The following CLASP2 variants were observed in gnomAD, a reference collection of about 807,000 sequenced individuals.
CLASP2 encodes the protein cytoplasmic linker associated protein 2.
A neutral mutation model predicts 194.4 loss-of-function variants in CLASP2; 47 were observed. That is an observed-to-expected ratio of 0.24 (90% CI 0.19 to 0.31). The LOEUF is 0.31. CLASP2 is among the 10% of genes least tolerant of loss of function. The pLI is 1.00. For missense variants in CLASP2, 1,445 were observed against 1,823.6 expected (o/e 0.79, Z 3.78); for synonymous variants, 619 against 633.5 (o/e 0.98, Z 0.34).
intron 7 of CLASP2, among the ~76,000 whole-genome samples, chr3:33,657,470 AAAAC>A (rs1222866109): frequency 3.3e-5 from 5 of 152,124 alleles, no homozygotes; most frequent in African/African-American, 1.2e-4. Context: ...TGAAAAAAGA[AAAAC>A]TAAGTAAATA....
intron 2 of CLASP2, among the ~76,000 whole-genome samples, chr3:33,690,812 A>C (rs562744630): frequency 6.6e-6 from 1 of 152,292 alleles, no homozygotes; most frequent in Non-Finnish European, 1.5e-5. Flanking sequence ...CCTGCCTATT[A>C]GTCCCTTAGT....
chr3:33,593,375 C>A (rs1039092419), intron 20 of CLASP2, among the ~76,000 whole-genome samples: 3 of 152,008 alleles, frequency 2.0e-5, no homozygotes, highest in Non-Finnish European at 4.4e-5. Context: ...AAAAGAAGGG[C>A]TCAGAATTAT....
chr3:33,622,402 C>T, intron 10 of CLASP2, 122 bp from the exon 11 acceptor site: 1 of 623,644 alleles, frequency 1.6e-6, no homozygotes, highest in Non-Finnish European at 2.4e-6. Flanking sequence ...TGTTTCATTA[C>T]ATTACTATAT....
intron 25 of CLASP2, among the ~76,000 whole-genome samples, chr3:33,571,548 T>A (rs1323541360): frequency 6.6e-6 from 1 of 151,398 alleles, no homozygotes; most frequent in Non-Finnish European, 1.5e-5. Context: ...GGCAGGAAAA[T>A]TGCTTGAACC....
In CLASP2 at chr3:33,576,126, G is replaced by A. The variant is rs9851582; in HGVS notation, c.2454+43C>T. The A allele has an allele frequency of 9.1e-3, 13,661 of 1,499,810 alleles. 852 individuals are homozygous for A. In the African/African-American group the frequency reaches 0.15, roughly 16 times the overall value. The allele number at this position is 1,499,810 out of a possible 1,614,324, so 92.9% of individuals were successfully genotyped here. On this transcript the variant is annotated intron_variant, in intron 24 of 38. Coordinates refer to ENST00000682230, the MANE Select transcript of CLASP2 (RefSeq NM_001365631.1). ...ACTGGCCTACTCATTCAACAGTTTC[G>A]TAATTGGAACATTTATAATGATAAG... is the stretch of plus-strand genomic sequence containing the variant.
chr3:33,670,365 T>A (rs553742083), intron 6 of CLASP2, among the ~76,000 whole-genome samples: 1 of 152,326 alleles, frequency 6.6e-6, no homozygotes, highest in African/African-American at 2.4e-5. Flanking sequence ...TTTGCTATAA[T>A]TTATAGATTT....
intron 23 of CLASP2, chr3:33,577,384 C>G (rs1442317795): frequency 1.4e-6 from 1 of 718,490 alleles, no homozygotes; most frequent in Non-Finnish European, 2.3e-6. Context: ...AGTTAATGAT[C>G]AGAGTATTGC....
chr3:33,616,664 A>T (rs115647042), intron 12 of CLASP2, among the ~76,000 whole-genome samples: 2,917 of 151,926 alleles, frequency 0.019, 53 homozygotes, highest in African/African-American at 0.045. Flanking sequence ...ATCATATTTA[A>T]TTAACGTTAA....
At position 33,607,454 on chromosome 3, in the gene CLASP2, C is replaced by T; in HGVS notation, c.1456G>A (p.Ala486Thr). 1 of 1,605,146 alleles carries T rather than the reference C, an allele frequency of 6.2e-7. No homozygotes were observed. The highest frequency in any genetic ancestry group is 8.5e-7 in the Non-Finnish European group (1 of 1,175,662). Reference protein sequence around the residue: ...WQTHSLERHAAVLVETIKKGI... With the variant: ...WQTHSLERHATVLVETIKKGI... ...TTTTTAATAGTTTCAACCAAGACGGCTGCATGTCTATAAAATAAAATACAT... is the reference window on the plus strand; with the variant it reads ...TTTTTAATAGTTTCAACCAAGACGGTTGCATGTCTATAAAATAAAATACAT... The change falls in exon 15 of 39, where the codon GCC (alanine) becomes ACC (threonine). Residue 486 changes from alanine (A) to threonine (T), a missense_variant. Physicochemically the swap from Ala to Thr is moderately conservative, Grantham distance 58. This residue lies in a region of CLASP2 where 207 missense variants were observed against 331.4 expected (regional missense o/e 0.62). Coordinates refer to ENST00000682230, the MANE Select transcript of CLASP2 (RefSeq NM_001365631.1).
intron 37 of CLASP2, among the ~76,000 whole-genome samples, chr3:33,510,188 A>G (rs1169858409): frequency 6.6e-6 from 1 of 152,142 alleles, no homozygotes. Flanking sequence ...CAGAAAATAG[A>G]ATAGAGGTTA....
intron 6 of CLASP2, among the ~76,000 whole-genome samples, chr3:33,683,909 C>T (rs1255131328): frequency 7.0e-6 from 1 of 142,918 alleles, no homozygotes; most frequent in African/African-American, 2.6e-5. Flanking sequence ...TACTGCACTC[C>T]AGCCTGAGCA....
chr3:33,641,972 A>G (rs953639425), intron 8 of CLASP2, among the ~76,000 whole-genome samples: 1 of 152,016 alleles, frequency 6.6e-6, no homozygotes, highest in African/African-American at 2.4e-5. Context: ...GATAATGTAT[A>G]GTCCAGAAAA....
chr3:33,596,041 T>C (rs1576954703), intron 19 of CLASP2, among the ~76,000 whole-genome samples: 1 of 151,996 alleles, frequency 6.6e-6, no homozygotes, highest in East Asian at 1.9e-4. Context: ...TCTTAAGTTA[T>C]TTAAAAAAGG....
At chr3:33,527,185 T>G (rs1208340227) in intron 34 of CLASP2, among the ~76,000 whole-genome samples, 1 of 151,936 alleles carries the variant, frequency 6.6e-6, no homozygotes, top group African/African-American at 2.4e-5. Flanking sequence ...GATTCAGGAG[T>G]TGTTTTTGAA....
intron 18 of CLASP2, among the ~76,000 whole-genome samples, chr3:33,600,086 TTTTG>T (rs963014749): frequency 4.6e-5 from 7 of 152,092 alleles, no homozygotes; most frequent in African/African-American, 1.7e-4. Context: ...TATATATTTT[TTTTG>T]TGTGTGTGTG....
chr3:33,583,341 A>T (rs2066586115), intron 22 of CLASP2, among the ~76,000 whole-genome samples: 2 of 152,236 alleles, frequency 1.3e-5, no homozygotes, highest in Admixed American at 1.3e-4. Flanking sequence ...TATAAGTTAT[A>T]ATGACATAAG....
intron 9 of CLASP2, among the ~76,000 whole-genome samples, chr3:33,629,387 T>C (rs1288884411): frequency 6.6e-5 from 10 of 152,154 alleles, no homozygotes; most frequent in Admixed American, 5.9e-4. Flanking sequence ...AGAAGGACCA[T>C]GTTTCTGGAG....
At chr3:33,658,805 A>G (rs997627868) in intron 7 of CLASP2, among the ~76,000 whole-genome samples, 1 of 152,248 alleles carries the variant, frequency 6.6e-6, no homozygotes, top group African/African-American at 2.4e-5. Flanking sequence ...AAGATGTCAA[A>G]TGACATGCAC....
chr3:33,560,948 A>G lies in CLASP2; in HGVS notation c.2790T>C (p.Thr930=), dbSNP rs778204039. The part of the protein sequence containing the change: ...GKRVFSMFLE[T]LVDFIQVHKD... ...TGTGGACTTGTATGAAATCCACTAG[A>G]GTCTCCAAAAACATGCTGAATACCT... Residue 930 remains threonine, a synonymous_variant, in exon 28 of 39, where the codon ACT becomes ACC. Coordinates refer to ENST00000682230, the MANE Select transcript of CLASP2 (RefSeq NM_001365631.1). 4.3e-6 allele frequency: 7 copies of G among 1,613,784 alleles called. No individual in the cohort carries two copies. In the Admixed American group the frequency reaches 1.2e-4, roughly 27 times the overall value.
Sources: gnomAD v4.1 joint callset for allele counts (sites outside exome capture counted in the v4.1 genomes callset) on GRCh38, gnomAD v4.1.1 for gene constraint, gnomAD v4.1.1 regional missense constraint, MANE v1.5 for transcripts, NCBI Gene and HGNC (gene_info 2026-07-23, HGNC 2026-07-21) for gene names.